The following TPH1 variants were observed in gnomAD, a reference collection of about 807,000 sequenced individuals.
TPH1 encodes the protein tryptophan 5-hydroxylase 1.
A neutral mutation model predicts 49.5 loss-of-function variants in TPH1; 37 were observed. That is an observed-to-expected ratio of 0.75 (90% CI 0.58 to 0.98). The LOEUF (loss-of-function observed/expected upper bound fraction) is 0.98, where lower values mean the gene tolerates loss of function less well. Ranked by LOEUF, TPH1 falls within the 50% of genes least tolerant of loss-of-function variation. TPH1 has a pLI of 0.00. For synonymous variants in TPH1, 160 were observed against 182.1 expected (o/e 0.88, Z 0.98); for missense variants, 487 against 523.6 (o/e 0.93, Z 0.68).
chr11:18,044,799 T>C (rs1175661689), intron 1 of TPH1, among the ~76,000 whole-genome samples: 1 of 152,020 alleles, frequency 6.6e-6, no homozygotes, highest in East Asian at 1.9e-4. Flanking sequence ...ACTAACCTGG[T>C]AAGATAAAAT....
chr11:18,032,005 T>C (rs187900491), intron 4 of TPH1, among the ~76,000 whole-genome samples: 234 of 152,318 alleles, frequency 1.5e-3, no homozygotes, highest in Non-Finnish European at 2.7e-3. Context: ...TTCCGGCAAG[T>C]ACTGCAATTA....
At chr11:18,028,777 T>C (rs1238019285) in intron 6 of TPH1, among the ~76,000 whole-genome samples, 1 of 152,178 alleles carries the variant, frequency 6.6e-6, no homozygotes, top group Non-Finnish European at 1.5e-5. Context: ...TTAAAAATGC[T>C]GTCATTGTCG....
intron 6 of TPH1, 48 bp from the exon 7 acceptor site, chr11:18,026,673 CCT>C: frequency 2.5e-6 from 4 of 1,612,068 alleles, no homozygotes; most frequent in South Asian, 1.1e-5. Flanking sequence ...AGAATAGACC[CCT>C]GACTGCAGCA....
intron 3 of TPH1, among the ~76,000 whole-genome samples, chr11:18,034,730 G>A (rs896990680): frequency 5.9e-5 from 9 of 152,086 alleles, no homozygotes; most frequent in African/African-American, 2.2e-4. Context: ...TATATAAAAT[G>A]TACCTAAATT....
intron 1 of TPH1, among the ~76,000 whole-genome samples, chr11:18,044,505 T>C (rs1848124758): frequency 6.6e-6 from 1 of 151,980 alleles, no homozygotes. Context: ...GCTAAGAAAC[T>C]AGAAAACTAG....
chr11:18,033,507 G>A, intron 3 of TPH1, 133 bp from the exon 4 acceptor site: 2 of 695,212 alleles, frequency 2.9e-6, no homozygotes, highest in Non-Finnish European at 2.5e-6. Context: ...ATCAAGGCAA[G>A]ATTTATATGA....
intron 6 of TPH1, among the ~76,000 whole-genome samples, chr11:18,026,968 T>G (rs1232744760): frequency 6.6e-6 from 1 of 152,222 alleles, no homozygotes; most frequent in Non-Finnish European, 1.5e-5. Context: ...GATTTCCTCA[T>G]GCCATACAAC....
At position 18,020,055 on chromosome 11, in the gene TPH1, T is replaced by C; in HGVS notation, c.*936A>G. ...TATCTTTTACTTTGTGCTTCTCTTA[T>C]CTATCTCAGTTTGAACTCTTCCTTT... On this transcript the variant is annotated 3_prime_UTR_variant, in exon 11 of 11. Transcript: ENST00000682019. 1 of 226,548 alleles carries C rather than the reference T, an allele frequency of 4.4e-6. No homozygotes were observed. Among genetic ancestry groups the C allele is most frequent in the East Asian group, 1.3e-4 (1 of 7,922 alleles). 14.0% of individuals were successfully genotyped at this position (226,548 alleles called of 1,614,324 possible).
Position 18,029,563 on chromosome 11 carries a change from A to T in TPH1, c.419T>A (p.Val140Asp). ...AAAATACTTTCGACGTTTACGGTAG[A>T]CATTGTCTTTGAAGCCCTGATAATT... ...DADHPGFKDN[V>D]YRKRRKYFAD... is the part of the protein sequence containing the mutation. Residue 140 changes from valine (V) to aspartate (D), a missense_variant, in exon 5 of 11, where the codon GTC becomes GAC. Physicochemically the swap from Val to Asp is radical, Grantham distance 152. Transcript: ENST00000682019. 2.5e-6 allele frequency: 4 copies of T among 1,613,088 alleles called. No homozygotes were observed. The South Asian group carries it at 4.4e-5, about 18-fold the overall frequency.
At chr11:18,039,315 A>T (rs770302246) in intron 2 of TPH1, among the ~76,000 whole-genome samples, 19 of 152,160 alleles carry the variant, frequency 1.2e-4, no homozygotes, top group Non-Finnish European at 1.8e-4. Flanking sequence ...CAATGACCCT[A>T]TGAGGTAGGT....
chr11:18,028,719 A>G (rs924344105), intron 6 of TPH1, among the ~76,000 whole-genome samples: 1 of 152,206 alleles, frequency 6.6e-6, no homozygotes, highest in Non-Finnish European at 1.5e-5. Context: ...ACCAGGACAG[A>G]GTACGGGAAA....
intron 2 of TPH1, among the ~76,000 whole-genome samples, chr11:18,038,432 A>G (rs1590267571): frequency 6.6e-6 from 1 of 152,360 alleles, no homozygotes; most frequent in East Asian, 1.9e-4. Flanking sequence ...TTATAGCACA[A>G]TATGATTATA....
At chr11:18,039,683 CT>C (rs1454124919) in intron 2 of TPH1, among the ~76,000 whole-genome samples, 1 of 152,062 alleles carries the variant, frequency 6.6e-6, no homozygotes, top group Non-Finnish European at 1.5e-5. Context: ...TTAATGTTGC[CT>C]TCCCCACTAG....
intron 10 of TPH1, among the ~76,000 whole-genome samples, chr11:18,021,578 C>T (rs1854363608): frequency 6.6e-6 from 1 of 152,016 alleles, no homozygotes; most frequent in Admixed American, 6.6e-5. Context: ...TCAGTCATGC[C>T]TTATATAACT....
intron 1 of TPH1, among the ~76,000 whole-genome samples, chr11:18,043,641 C>A (rs11024450): frequency 0.028 from 4,219 of 152,006 alleles, 214 homozygotes; most frequent in African/African-American, 0.098. Flanking sequence ...ACAACAACAA[C>A]AAAAACTATT....
chr11:18,022,434 G>A (rs1197463008), intron 10 of TPH1, among the ~76,000 whole-genome samples: 1 of 152,142 alleles, frequency 6.6e-6, no homozygotes, highest in Non-Finnish European at 1.5e-5. Flanking sequence ...CACCTGAAAT[G>A]AATTGCTCTT....
At chr11:18,034,739 T>C (rs1256053046) in intron 3 of TPH1, among the ~76,000 whole-genome samples, 1 of 152,178 alleles carries the variant, frequency 6.6e-6, no homozygotes, top group Non-Finnish European at 1.5e-5. Context: ...TGTACCTAAA[T>C]TATCTATTTG....
intron 9 of TPH1, among the ~76,000 whole-genome samples, chr11:18,023,321 C>A (rs1470601467): frequency 1.3e-5 from 2 of 152,088 alleles, no homozygotes; most frequent in Non-Finnish European, 2.9e-5. Context: ...GTGTTTCATA[C>A]ACATTCATTA....
At chr11:18,029,875 A>T (rs1847970494) in intron 4 of TPH1, among the ~76,000 whole-genome samples, 1 of 152,212 alleles carries the variant, frequency 6.6e-6, no homozygotes, top group Non-Finnish European at 1.5e-5. Flanking sequence ...AGTTAAATAC[A>T]TGGCTCTTTT....
Sources: allele counts gnomAD v4.1 joint callset (sites outside exome capture counted in the v4.1 genomes callset), GRCh38; gene constraint gnomAD v4.1.1; transcripts MANE v1.5; gene names NCBI Gene and HGNC (gene_info 2026-07-23, HGNC 2026-07-21).